Variants in CSMD1 observed in about 807,000 individuals in gnomAD.
CSMD1 encodes the protein CUB and sushi domain-containing protein 1.
A neutral mutation model predicts 417.5 loss-of-function variants in CSMD1; 213 were observed. The ratio of observed to expected loss-of-function variants is 0.51; its 90% CI spans 0.46 to 0.57. The LOEUF (loss-of-function observed/expected upper bound fraction) is 0.57, where lower values mean the gene tolerates loss of function less well. CSMD1 is among the 20% of genes least tolerant of loss of function. The pLI is 0.00. For missense variants in CSMD1, 6,923 were observed against 4,529.7 expected (o/e 1.53, Z -15.17); for synonymous variants, 2,862 against 1,736.8 (o/e 1.65, Z -16.11).
chr8:3,188,995 A>G lies in CSMD1; in HGVS notation c.5415T>C (p.Asn1805=), dbSNP rs759805178. 14 of 1,613,288 alleles carry G rather than the reference A, an allele frequency of 8.7e-6. No homozygotes were observed. The Admixed American group carries it at 2.0e-4, about 23-fold the overall frequency. ...GGATTGTACCTCTTCGTTGAGTGAA[A>G]TTGCCACTGCAGGGTACTAAAAGAC... The part of the protein sequence containing the change: ...IPSCVVPCSG[N]FTQRRGTILS... Residue 1805 remains asparagine, a synonymous_variant, in exon 35 of 70, where the codon AAT becomes AAC. Coordinates refer to ENST00000635120, the MANE Select transcript of CSMD1 (RefSeq NM_033225.6).
intron 49 of CSMD1, among the ~76,000 whole-genome samples, chr8:3,056,906 C>G (rs1473700967): frequency 3.3e-5 from 5 of 151,790 alleles, no homozygotes; most frequent in African/African-American, 9.7e-5. Flanking sequence ...TAAGAATATT[C>G]TAGATTACTA....
chr8:4,308,135 C>G (rs370571267), intron 3 of CSMD1, among the ~76,000 whole-genome samples: 12 of 152,174 alleles, frequency 7.9e-5, no homozygotes, highest in African/African-American at 2.4e-4. Context: ...ATGTGTTTTA[C>G]TTAGAGAAAC....
chr8:3,633,050 G>C (rs1563217097), intron 7 of CSMD1, among the ~76,000 whole-genome samples: 1 of 152,214 alleles, frequency 6.6e-6, no homozygotes, highest in East Asian at 1.9e-4. Context: ...TAGTGTTAGA[G>C]TCTGCCCTGT....
At chr8:3,873,295 A>C (rs1054820242) in intron 5 of CSMD1, among the ~76,000 whole-genome samples, 1 of 152,192 alleles carries the variant, frequency 6.6e-6, no homozygotes, top group Non-Finnish European at 1.5e-5. Context: ...AAAGACATGG[A>C]ATCAACCTAA....
At chr8:3,953,375 G>T (rs890503834) in intron 5 of CSMD1, among the ~76,000 whole-genome samples, 3 of 152,088 alleles carry the variant, frequency 2.0e-5, no homozygotes, top group Non-Finnish European at 4.4e-5. Flanking sequence ...TGCAAGTTAG[G>T]TGTTTATATA....
chr8:4,485,317 A>G (rs1801320156), intron 2 of CSMD1, among the ~76,000 whole-genome samples: 1 of 152,158 alleles, frequency 6.6e-6, no homozygotes, highest in South Asian at 2.1e-4. Flanking sequence ...AATTTTTACC[A>G]ACCAAACTCT....
intron 1 of CSMD1, among the ~76,000 whole-genome samples, chr8:4,985,755 A>G (rs987981522): frequency 1.3e-5 from 2 of 152,224 alleles, no homozygotes; most frequent in African/African-American, 4.8e-5. Flanking sequence ...AAAATGGAGC[A>G]TGGATGTTGA....
intron 4 of CSMD1, among the ~76,000 whole-genome samples, chr8:4,021,626 C>G (rs1287026912): frequency 6.6e-6 from 1 of 152,162 alleles, no homozygotes; most frequent in Non-Finnish European, 1.5e-5. Context: ...CATGTAGCTG[C>G]TCTTTTTAAA....
At chr8:4,022,299 G>T (rs1393486900) in intron 4 of CSMD1, among the ~76,000 whole-genome samples, 1 of 151,732 alleles carries the variant, frequency 6.6e-6, no homozygotes, top group Non-Finnish European at 1.5e-5. Flanking sequence ...TTCAGACAAG[G>T]AAGAGAAGTA....
chr8:4,719,440 G>C (rs1808907513), intron 1 of CSMD1, among the ~76,000 whole-genome samples: 1 of 151,882 alleles, frequency 6.6e-6, no homozygotes, highest in Non-Finnish European at 1.5e-5. Flanking sequence ...ATAAGTCTCA[G>C]GCATTTGCTG....
At chr8:4,809,903 G>C (rs1436445433) in intron 1 of CSMD1, among the ~76,000 whole-genome samples, 1 of 152,162 alleles carries the variant, frequency 6.6e-6, no homozygotes, top group African/African-American at 2.4e-5. Flanking sequence ...TCAAATCCAA[G>C]TCCGGCCACT....
At chr8:2,968,323 C>G (rs1327400039) in intron 57 of CSMD1, among the ~76,000 whole-genome samples, 1 of 152,152 alleles carries the variant, frequency 6.6e-6, no homozygotes, top group Non-Finnish European at 1.5e-5. Flanking sequence ...CGAAAGAGGA[C>G]ACTGATGTTA....
intron 2 of CSMD1, among the ~76,000 whole-genome samples, chr8:4,437,845 T>TGCC (rs1165247615): frequency 1.3e-5 from 2 of 152,194 alleles, no homozygotes; most frequent in Non-Finnish European, 2.9e-5. Flanking sequence ...TGTGCAGGTC[T>TGCC]GCCCCTAGTT....
At chr8:4,233,733 A>T (rs1370275199) in intron 3 of CSMD1, among the ~76,000 whole-genome samples, 1 of 152,186 alleles carries the variant, frequency 6.6e-6, no homozygotes, top group Non-Finnish European at 1.5e-5. Flanking sequence ...ATATTAATAA[A>T]ATAAAGATGT....
intron 21 of CSMD1, among the ~76,000 whole-genome samples, chr8:3,349,385 C>T (rs1256178169): frequency 6.6e-6 from 1 of 152,094 alleles, no homozygotes; most frequent in Non-Finnish European, 1.5e-5. Context: ...CATGATTGCC[C>T]CCCAGTGATT....
chr8:4,069,878 G>T (rs984894898), intron 3 of CSMD1, among the ~76,000 whole-genome samples: 12 of 150,480 alleles, frequency 8.0e-5, no homozygotes, highest in African/African-American at 2.2e-4. Context: ...GCAACAGTAA[G>T]GTGTTTTGTT....
chr8:4,808,336 C>T (rs1176763518), intron 1 of CSMD1, among the ~76,000 whole-genome samples: 2 of 152,150 alleles, frequency 1.3e-5, no homozygotes, highest in African/African-American at 2.4e-5. Flanking sequence ...TTCCACCACC[C>T]CTTCCTGCGA....
intron 2 of CSMD1, among the ~76,000 whole-genome samples, chr8:4,499,762 G>C (rs928515864): frequency 3.9e-5 from 6 of 152,164 alleles, no homozygotes; most frequent in African/African-American, 1.4e-4. Context: ...AAGAAAGTTA[G>C]TAAAGGTGAA....
At chr8:4,609,322 G>A (rs1341194107) in intron 2 of CSMD1, among the ~76,000 whole-genome samples, 1 of 152,150 alleles carries the variant, frequency 6.6e-6, no homozygotes, top group Admixed American at 6.5e-5. Flanking sequence ...GATTGCTGGA[G>A]CCTGGGAGGC....
Sources: allele counts gnomAD v4.1 joint callset (sites outside exome capture counted in the v4.1 genomes callset), GRCh38; gene constraint gnomAD v4.1.1; transcripts MANE v1.5; gene names NCBI Gene and HGNC (gene_info 2026-07-23, HGNC 2026-07-21).